Variants in MIB1 observed in about 807,000 individuals in gnomAD.
The protein encoded by MIB1 is E3 ubiquitin-protein ligase MIB1.
Under a neutral mutation model 124.5 loss-of-function variants are expected in MIB1, and 278 were observed. That is an observed-to-expected ratio of 2.23 (90% CI 2.02 to 2.47). MIB1 has a LOEUF of 2.47. Ranked by LOEUF, MIB1 falls within the 30% of genes most tolerant of loss-of-function variation. MIB1 has a pLI of 0.00. For synonymous variants in MIB1, 446 were observed against 429.4 expected (o/e 1.04, Z -0.48); for missense variants, 957 against 1,254.4 (o/e 0.76, Z 3.58).
Position 21,723,669 on chromosome 18 carries a change from C to G in MIB1, n.167+18546C>G, listed in dbSNP as rs572386447. ...TAGCTGGGATTATAGGCACCCGCCA[C>G]CACGCCCAGCTAATTTTTGTATTTT... On this transcript the variant is annotated intron_variant and non_coding_transcript_variant, in intron 1 of 20. Coordinates refer to the MIB1 transcript ENST00000578646. Among the ~76,000 whole-genome samples, 371 of 152,236 alleles carry G rather than the reference C, an allele frequency of 2.4e-3. 2 individuals carry two copies. Among genetic ancestry groups the G allele is most frequent in the African/African-American group, 8.4e-3 (350 of 41,544 alleles).
upstream of MIB1, among the ~76,000 whole-genome samples, chr18:21,737,338 A>AT (rs1191994429): frequency 6.6e-6 from 1 of 152,172 alleles, no homozygotes; most frequent in Non-Finnish European, 1.5e-5. Flanking sequence ...ATGCTGAGAG[A>AT]TTTTGTCACC....
In MIB1 at chr18:21,756,217, T is replaced by C. The variant is rs567523255; in HGVS notation, c.230-9555T>C. Among the ~76,000 whole-genome samples the C allele has an allele frequency of 2.0e-5, 3 of 152,320 alleles. No individual in the cohort carries two copies. In the East Asian group the frequency reaches 5.8e-4, roughly 29 times the overall value. ...TACTTTATCTCGTTGTTTGTTAGGC[T>C]TCATTTTATTGATGATAAAATAGGC... On this transcript the variant is annotated intron_variant, in intron 1 of 20. Transcript: ENST00000261537.
chr18:21,840,655 ATATATATATAT>A (rs1383765937), intron 13 of MIB1, among the ~76,000 whole-genome samples: 118 of 3,658 alleles, frequency 0.032, no homozygotes, highest in African/African-American at 0.092. Flanking sequence ...ATATATATAT[ATATATATATAT>A]TTTTTTTTTT....
intron 1 of MIB1, among the ~76,000 whole-genome samples, chr18:21,754,978 G>C (rs1356851953): frequency 6.6e-6 from 1 of 152,142 alleles, no homozygotes; most frequent in Admixed American, 6.5e-5. Context: ...ACTCTACTCT[G>C]CACCCTCCTC....
At chr18:21,756,540 C>T (rs1158827372) in intron 1 of MIB1, among the ~76,000 whole-genome samples, 4 of 152,054 alleles carry the variant, frequency 2.6e-5, no homozygotes, top group African/African-American at 9.7e-5. Context: ...TCCTGGCTCG[C>T]TGCAACCTTT....
chr18:21,710,905 C>A (rs540488483), intron 1 of MIB1, among the ~76,000 whole-genome samples: 3 of 147,422 alleles, frequency 2.0e-5, no homozygotes, highest in African/African-American at 7.6e-5. Flanking sequence ...TGGCTCACTG[C>A]GACCTCTGGC....
At chr18:21,786,531 T>C (rs1423460378) in intron 6 of MIB1, among the ~76,000 whole-genome samples, 1 of 152,226 alleles carries the variant, frequency 6.6e-6, no homozygotes, top group African/African-American at 2.4e-5. Flanking sequence ...TTGAATAAGC[T>C]TCTTACCCCT....
intron 1 of MIB1, among the ~76,000 whole-genome samples, chr18:21,729,908 G>A (rs1180231726): frequency 6.6e-6 from 1 of 152,074 alleles, no homozygotes; most frequent in Non-Finnish European, 1.5e-5. Context: ...ATTTTTTGGG[G>A]GACAAACATT....
chr18:21,777,915 ACCT>A, intron 4 of MIB1, among the ~76,000 whole-genome samples, 185 bp from the exon 5 acceptor site: 1 of 152,132 alleles, frequency 6.6e-6, no homozygotes, highest in Non-Finnish European at 1.5e-5. Flanking sequence ...ATAAAATATG[ACCT>A]ATCTGAAGAT....
chr18:21,741,419 G>A lies in MIB1; in HGVS notation c.-165G>A, dbSNP rs1568181828. On this transcript the variant is annotated 5_prime_UTR_variant, in exon 1 of 21. Transcript: ENST00000261537. The surrounding 1 kb of genome is among the most constrained non-coding windows in gnomAD (Gnocchi z 5.4). ...GCTGGGCAGCGGCTTTGGGCTCCGC[G>A]GGGACCGCGCCGCCGCCCCCGTGAG... The A allele has an allele frequency of 3.3e-6, 1 of 301,518 alleles. No individual in the cohort carries two copies. Among genetic ancestry groups the A allele is most frequent in the Non-Finnish European group, 5.7e-6 (1 of 175,584 alleles). 18.7% of individuals were successfully genotyped at this position (301,518 alleles called of 1,614,324 possible). A position where few individuals can be genotyped will look rare whatever the true frequency, so the allele number is the denominator to read the frequency against.
intron 12 of MIB1, 81 bp downstream of exon 12, chr18:21,819,727 A>G (rs2146479489): frequency 9.6e-7 from 1 of 1,039,720 alleles, no homozygotes; most frequent in Non-Finnish European, 1.3e-6. Context: ...ACTGATGAAG[A>G]AATAATTTTG....
In MIB1 at chr18:21,799,438, A is replaced by T. The variant is rs1461034074; in HGVS notation, c.1238-403A>T. ...TTTGATCATAACCATTAATCTGTTGAATTATTTTAAAGTCTGTAGTATTGA... is the reference window on the plus strand; with the variant it reads ...TTTGATCATAACCATTAATCTGTTGTATTATTTTAAAGTCTGTAGTATTGA... On this transcript the variant is annotated intron_variant, in intron 8 of 20. Coordinates refer to ENST00000261537, the MANE Select transcript of MIB1 (RefSeq NM_020774.4). 2.0e-5 allele frequency among the ~76,000 whole-genome samples: 3 copies of T among 151,994 alleles called. No individual in the cohort carries two copies. The East Asian group carries it at 5.8e-4, about 29-fold the overall frequency.
chr18:21,809,949 A>G (rs757879390), intron 10 of MIB1, among the ~76,000 whole-genome samples: 3 of 152,132 alleles, frequency 2.0e-5, no homozygotes, highest in Non-Finnish European at 2.9e-5. Context: ...AATAAAAATT[A>G]TCTCTGTTTG....
rs750657375 is a variant in MIB1, at chr18:21,740,832, C to T, written c.-752C>T. On this transcript the variant is annotated 5_prime_UTR_variant, in exon 1 of 21. Transcript: ENST00000261537. ...GACGCTTAGGGATCAGTTTTCTCCT[C>T]CTTTCTTCCCGCGATCGCGCGGCTC... 5.3e-5 allele frequency among the ~76,000 whole-genome samples: 8 copies of T among 152,242 alleles called. No homozygotes were observed. The highest frequency in any genetic ancestry group is 7.3e-5 in the Non-Finnish European group (5 of 68,038).
chr18:21,862,262 A>G (rs1259377268), intron 20 of MIB1, among the ~76,000 whole-genome samples: 3 of 152,208 alleles, frequency 2.0e-5, no homozygotes, highest in African/African-American at 7.2e-5. Flanking sequence ...TTAAGACAAA[A>G]ATGTGACAGT....
At chr18:21,725,709 T>A (rs1357686117) in intron 1 of MIB1, among the ~76,000 whole-genome samples, 1 of 151,364 alleles carries the variant, frequency 6.6e-6, no homozygotes, top group Non-Finnish European at 1.5e-5. Flanking sequence ...GAGGGGAAAG[T>A]CAAAGACACA....
At chr18:21,749,410 C>CT (rs1467585414) in intron 1 of MIB1, among the ~76,000 whole-genome samples, 1 of 151,932 alleles carries the variant, frequency 6.6e-6, no homozygotes, top group Non-Finnish European at 1.5e-5. Flanking sequence ...ATAGTGTTTT[C>CT]TTTTTTGTCA....
At chr18:21,712,218 T>C (rs1479350854) in intron 1 of MIB1, 1 of 152,678 alleles carries the variant, frequency 6.5e-6, no homozygotes, top group Non-Finnish European at 1.5e-5. Context: ...CTCATGAAGC[T>C]CTTTGTCATT....
chr18:21,728,447 G>A (rs1227444762), intron 1 of MIB1, among the ~76,000 whole-genome samples: 3 of 152,068 alleles, frequency 2.0e-5, no homozygotes, highest in Non-Finnish European at 1.5e-5. Flanking sequence ...GAGCCAAGAT[G>A]GTGCCATTGC....
Sources: allele counts gnomAD v4.1 joint callset (sites outside exome capture counted in the v4.1 genomes callset), GRCh38; gene constraint gnomAD v4.1.1; non-coding constraint Gnocchi (gnomAD v3.1); transcripts MANE v1.5; gene names NCBI Gene and HGNC (gene_info 2026-07-23, HGNC 2026-07-21).